The following IFT52 variants were observed in gnomAD, a reference collection of about 807,000 sequenced individuals.
The protein encoded by IFT52 is intraflagellar transport 52.
A neutral mutation model predicts 54.4 loss-of-function variants in IFT52; 44 were observed. The ratio of observed to expected loss-of-function variants is 0.81; its 90% CI spans 0.63 to 1.04. IFT52 has a LOEUF of 1.04. Among genes scored for constraint, IFT52 ranks in the 50% least tolerant of loss-of-function variants. The pLI is 0.00. For synonymous variants in IFT52, 181 were observed against 185.3 expected, an observed-to-expected ratio of 0.98 and a Z score of 0.19; for missense variants, 452 against 523.6, an observed-to-expected ratio of 0.86 and a Z score of 1.33.
chr20:43,598,667 C>G (rs959150664), intron 3 of IFT52, among the ~76,000 whole-genome samples: 1 of 152,192 alleles, frequency 6.6e-6, no homozygotes, highest in Non-Finnish European at 1.5e-5. Context: ...CGCACTCCAG[C>G]CTGGCGACAG....
chr20:43,627,959 A>C (rs1600500414), intron 10 of IFT52, among the ~76,000 whole-genome samples: 1 of 112,912 alleles, frequency 8.9e-6, no homozygotes, highest in African/African-American at 3.5e-5. Flanking sequence ...ATACAGTCTC[A>C]CTCTTTACCC....
chr20:43,615,271 A>G (rs973954735), intron 7 of IFT52, among the ~76,000 whole-genome samples: 1 of 151,292 alleles, frequency 6.6e-6, no homozygotes, highest in African/African-American at 2.4e-5. Flanking sequence ...TAAACTTCTG[A>G]GCTCAGGCAA....
rs2664519 is a variant in IFT52, at chr20:43,596,474, G to A, written c.159G>A (p.Val53=). ...DEITSEKLNG[V]KLWITAGPRE... is the part of the protein sequence containing the mutation. ...TCACATCTGAGAAGTTAAATGGAGT[G>A]AAACTGTGGATTACAGCTGGGCCAA... Residue 53 remains valine (V), a synonymous_variant, in exon 3 of 14, where the codon GTG becomes GTA. Coordinates refer to ENST00000373030, the MANE Select transcript of IFT52 (RefSeq NM_016004.5). 1,261,306 of 1,602,798 alleles carry A rather than the reference G, an allele frequency of 0.79. 498,392 individuals are homozygous for A. The highest frequency in any genetic ancestry group is 0.8 in the Non-Finnish European group (935,903 of 1,172,116).
At chr20:43,594,450 G>C (rs1981771651) in intron 1 of IFT52, among the ~76,000 whole-genome samples, 1 of 152,156 alleles carries the variant, frequency 6.6e-6, no homozygotes, top group Admixed American at 6.6e-5. Context: ...CTGTTGGGAG[G>C]ATCTGGGCAA....
intron 12 of IFT52, among the ~76,000 whole-genome samples, chr20:43,639,895 C>T (rs1985798623): frequency 6.6e-6 from 1 of 151,906 alleles, no homozygotes; most frequent in East Asian, 1.9e-4. Flanking sequence ...AAAAATGTAG[C>T]CTGGGTGCGA....
chr20:43,605,272 A>G, intron 6 of IFT52, 199 bp downstream of exon 6: 2 of 1,303,436 alleles, frequency 1.5e-6, no homozygotes, highest in Non-Finnish European at 2.0e-6. Flanking sequence ...TAGGCCCAGC[A>G]TGGTGGCTCA....
At chr20:43,630,064 C>T (rs944716771) in intron 10 of IFT52, among the ~76,000 whole-genome samples, 1 of 152,050 alleles carries the variant, frequency 6.6e-6, no homozygotes, top group African/African-American at 2.4e-5. Context: ...GCTACCAGGG[C>T]GTGACATCTG....
intron 12 of IFT52, among the ~76,000 whole-genome samples, chr20:43,639,621 G>T (rs904738492): frequency 6.6e-6 from 1 of 152,150 alleles, no homozygotes; most frequent in Non-Finnish European, 1.5e-5. Flanking sequence ...GGTGAGCCGA[G>T]ATCGTGTCAT....
intron 12 of IFT52, 124 bp downstream of exon 12, chr20:43,637,377 C>T: frequency 2.0e-6 from 1 of 489,540 alleles, no homozygotes; most frequent in South Asian, 2.1e-5. Context: ...ATTCTCCTGT[C>T]TCAGCCTCCC....
chr20:43,606,003 C>G (rs1279328948), intron 6 of IFT52, among the ~76,000 whole-genome samples: 1 of 152,036 alleles, frequency 6.6e-6, no homozygotes, highest in Non-Finnish European at 1.5e-5. Flanking sequence ...AGTGGATCAC[C>G]TGAGGTCACG....
chr20:43,642,890 G>A (rs1986016318), intron 13 of IFT52, among the ~76,000 whole-genome samples: 1 of 152,158 alleles, frequency 6.6e-6, no homozygotes, highest in Non-Finnish European at 1.5e-5. Flanking sequence ...GTGGAGGCTG[G>A]GCGCAGTGGC....
intron 12 of IFT52, among the ~76,000 whole-genome samples, chr20:43,641,966 G>C (rs1985950893): frequency 6.6e-6 from 1 of 151,942 alleles, no homozygotes; most frequent in Non-Finnish European, 1.5e-5. Flanking sequence ...GCTAATTTTT[G>C]TATTTTTAGT....
rs1985978395 is a variant in IFT52, at chr20:43,642,478, G to C, written c.1121-1G>C. 1.2e-6 allele frequency: 2 copies of C among 1,613,734 alleles called. No individual in the cohort carries two copies. Among genetic ancestry groups the C allele is most frequent in the Admixed American group, 1.7e-5 (1 of 59,974 alleles). On this transcript the variant is annotated splice_acceptor_variant, in intron 12 of 13. Transcript: ENST00000373030. LOFTEE classifies it high-confidence loss of function. ...TCTAACTACTACTCCAACTGTCTTA[G>C]GTACTGAAGAAGACCTGGAATTTTA...
At chr20:43,627,922 G>GTTTTTTTTT (rs554920528) in intron 10 of IFT52, among the ~76,000 whole-genome samples, 4 of 56,084 alleles carry the variant, frequency 7.1e-5, no homozygotes, top group Non-Finnish European at 8.6e-5. Context: ...GAGAGAGAGA[G>GTTTTTTTTT]TTTTTTTTTT....
chr20:43,605,459 A>G (rs1312100263), intron 6 of IFT52, among the ~76,000 whole-genome samples: 1 of 152,216 alleles, frequency 6.6e-6, no homozygotes, highest in African/African-American at 2.4e-5. Flanking sequence ...AGACAGGAGA[A>G]CTGTTTGAAC....
At chr20:43,591,656 T>C (rs1981528675) in intron 1 of IFT52, among the ~76,000 whole-genome samples, 1 of 152,124 alleles carries the variant, frequency 6.6e-6, no homozygotes. Flanking sequence ...TATGTGAAAG[T>C]AGCCAGGAAA....
chr20:43,640,912 T>C (rs1261756305), intron 12 of IFT52, among the ~76,000 whole-genome samples: 1 of 151,504 alleles, frequency 6.6e-6, no homozygotes, highest in Non-Finnish European at 1.5e-5. Context: ...ACACCTGTAG[T>C]CCAAGCTACT....
At chr20:43,617,343 A>C (rs6017125) in intron 7 of IFT52, among the ~76,000 whole-genome samples, 1 of 152,206 alleles carries the variant, frequency 6.6e-6, no homozygotes, top group Non-Finnish European at 1.5e-5. Context: ...ATCTGATAGG[A>C]AAAAGTACTT....
At chr20:43,608,767 C>T (rs1477051596) in intron 6 of IFT52, among the ~76,000 whole-genome samples, 5 of 152,026 alleles carry the variant, frequency 3.3e-5, no homozygotes, top group African/African-American at 4.8e-5. Flanking sequence ...TTTAGCCGGT[C>T]GTTGGTGGCT....
Sources: allele counts gnomAD v4.1 joint callset (sites outside exome capture counted in the v4.1 genomes callset), GRCh38; gene constraint gnomAD v4.1.1; transcripts MANE v1.5; gene names NCBI Gene and HGNC (gene_info 2026-07-23, HGNC 2026-07-21).